MYD88: variants seen among roughly 807,000 people sequenced by gnomAD.
The protein encoded by MYD88 is myeloid differentiation primary response protein MyD88.
A neutral mutation model predicts 31.1 loss-of-function variants in MYD88; 15 were observed. The observed-to-expected ratio is 0.48, with a 90% CI of 0.32 to 0.74. The LOEUF (loss-of-function observed/expected upper bound fraction) is 0.74, where lower values mean the gene tolerates loss of function less well. Ranked by LOEUF, MYD88 falls within the 30% of genes least tolerant of loss-of-function variation. The pLI, the probability that MYD88 is intolerant of heterozygous loss-of-function variation, is 0.03. For missense variants in MYD88, 308 were observed against 387.4 expected, an observed-to-expected ratio of 0.79 and a Z score of 1.72; for synonymous variants, 157 against 158.8, an observed-to-expected ratio of 0.99 and a Z score of 0.08.
rs761382748 is a variant in MYD88, at chr3:38,142,213, G to A, written c.*927G>A. 11 of 233,024 alleles carry A rather than the reference G, an allele frequency of 4.7e-5. No individual in the cohort carries two copies. The highest frequency in any genetic ancestry group is 1.1e-4 in the African/African-American group (5 of 45,310). The allele number at this position is 233,024 out of a possible 1,614,324, so 14.4% of individuals were successfully genotyped here. ...CTTTGTACCTTGATTGCCTTACAAA[G>A]TTATTTGTTTACAAACAGCGACCAT... On this transcript the variant is annotated 3_prime_UTR_variant, in exon 5 of 5. Transcript: ENST00000650905.
At position 38,138,852 on chromosome 3, in the gene MYD88, C is replaced by G; in HGVS notation, c.152C>G (p.Ala51Gly). 6.2e-7 allele frequency: 1 copy of G among 1,613,798 alleles called. No individual in the cohort carries two copies. The change falls in exon 1 of 5, where the codon GCG becomes GGG. Residue 51 changes from alanine (A) to glycine (G), a missense_variant. Ala to Gly is a moderately conservative substitution (Grantham distance 60). Transcript: ENST00000650905. This position sits in a 1 kb window ranked among gnomAD's most constrained non-coding sequence, Gnocchi z 6.4. ...TQVAADWTAL[A>G]EEMDFEYLEI... ...GTGGCGGCCGACTGGACCGCGCTGGCGGAGGAGATGGACTTTGAGTACTTG... is the reference window on the plus strand; with the variant it reads ...GTGGCGGCCGACTGGACCGCGCTGGGGGAGGAGATGGACTTTGAGTACTTG...
rs1029287594 is a variant in MYD88 at position 38,142,787 on chromosome 3, G to T, written c.*1501G>T. 1 of 233,120 alleles carries T rather than the reference G, an allele frequency of 4.3e-6. No individual in the cohort carries two copies. Among genetic ancestry groups the T allele is most frequent in the African/African-American group, 2.2e-5 (1 of 45,330 alleles). The allele number at this position is 233,120 out of a possible 1,614,324, so 14.4% of individuals were successfully genotyped here. The stretch of plus-strand genomic sequence containing the variant: ...GTACCTTTTCTTAGGATCTTGGGAG[G>T]GAATGGATGCCCCTCTCTGCATGAT... On this transcript the variant is annotated 3_prime_UTR_variant, in exon 5 of 5. Transcript: ENST00000650905.
Position 38,139,274 on chromosome 3 carries a change from T to C in MYD88, c.328+246T>C. On this transcript the variant is annotated intron_variant, in intron 1 of 4. Coordinates refer to ENST00000650905, the MANE Select transcript of MYD88 (RefSeq NM_002468.5). This position sits in a 1 kb window ranked among gnomAD's most constrained non-coding sequence, Gnocchi z 4.7. ...AGCAGCTTAGGCAGAGGCTTTCAGG[T>C]AGGGCCAGGAGTCAGAATCAGGCTT... 1 of 589,598 alleles carries C rather than the reference T, an allele frequency of 1.7e-6. No individual in the cohort carries two copies. The highest frequency in any genetic ancestry group is 3.0e-6 in the Non-Finnish European group (1 of 337,292). 36.5% of individuals were successfully genotyped at this position (589,598 alleles called of 1,614,324 possible). A position where few individuals can be genotyped will look rare whatever the true frequency, so the allele number is the denominator to read the frequency against.
intron 2 of MYD88, 49 bp from the exon 3 acceptor site, chr3:38,140,339 C>T: frequency 1.2e-6 from 2 of 1,605,420 alleles, no homozygotes. Flanking sequence ...GGATCCCTCC[C>T]AAGCCTTCCC....
At position 38,140,006 on chromosome 3, in the gene MYD88, T is replaced by G. The variant is rs776209293; in HGVS notation, c.463+8T>G. ...CACTTGATGACCCCCTGGGTAAGGGTCCAATACTGTTCCCATGGGACAGGT... is the reference window on the plus strand; with the variant it reads ...CACTTGATGACCCCCTGGGTAAGGGGCCAATACTGTTCCCATGGGACAGGT... On this transcript the variant is annotated splice_region_variant and intron_variant, in intron 2 of 4. Transcript: ENST00000650905. 1.6e-5 allele frequency: 25 copies of G among 1,612,716 alleles called. No homozygotes were observed. In the African/African-American group the frequency reaches 2.5e-4, roughly 16 times the overall value.
In MYD88 at chr3:38,139,225, C is replaced by G. The variant is rs1372025627; in HGVS notation, c.328+197C>G. On this transcript the variant is annotated intron_variant, in intron 1 of 4. Transcript: ENST00000650905. The surrounding 1 kb of genome is among the most constrained non-coding windows in gnomAD (Gnocchi z 4.7). ...TTATTAAGAAGGACTGGAGAAAGGT[C>G]CGGATAGGCGGAGATGGGAAGGAAG... is the stretch of plus-strand genomic sequence containing the variant. 7 of 743,680 alleles carry G rather than the reference C, an allele frequency of 9.4e-6. No homozygotes were observed. Among genetic ancestry groups the G allele is most frequent in the Admixed American group, 3.0e-5 (1 of 33,856 alleles). The allele number at this position is 743,680 out of a possible 1,614,324, so 46.1% of individuals were successfully genotyped here. A position where few individuals can be genotyped will look rare whatever the true frequency, so the allele number is the denominator to read the frequency against.
In MYD88 at chr3:38,141,980, C is replaced by G. The variant is rs1701092048; in HGVS notation, c.*694C>G. On this transcript the variant is annotated 3_prime_UTR_variant, in exon 5 of 5. Transcript: ENST00000650905. ...TGCCCAACCTTCAGCAGTGACAAGT[C>G]CCCAAGAGACTCGCCTGAGCAGCTT... 1 of 238,138 alleles carries G rather than the reference C, an allele frequency of 4.2e-6. No individual in the cohort carries two copies. The highest frequency in any genetic ancestry group is 8.3e-6 in the Non-Finnish European group (1 of 120,844). The allele number at this position is 238,138 out of a possible 1,614,324, so 14.8% of individuals were successfully genotyped here.
intron 3 of MYD88, 84 bp downstream of exon 3, chr3:38,140,652 G>A: frequency 1.2e-6 from 2 of 1,604,594 alleles, no homozygotes; most frequent in Non-Finnish European, 1.7e-6. Context: ...CCTCCTAGCT[G>A]TGCACTGTCC....
rs1701092778 is a variant in MYD88, at chr3:38,142,011, GC to G, written c.*726del. On this transcript the variant is annotated 3_prime_UTR_variant, in exon 5 of 5. Transcript: ENST00000650905. ...GAGACTCGCCTGAGCAGCTTGGGCT[GC>G]TTTTCATTTCCACCTGTCAGGATGC... The G allele has an allele frequency of 4.2e-6, 1 of 235,886 alleles. No homozygotes were observed. Among genetic ancestry groups the G allele is most frequent in the African/African-American group, 2.2e-5 (1 of 45,348 alleles). 14.6% of individuals were successfully genotyped at this position (235,886 alleles called of 1,614,324 possible). A position where few individuals can be genotyped will look rare whatever the true frequency, so the allele number is the denominator to read the frequency against.
chr3:38,139,750 G>A lies in MYD88; in HGVS notation c.329-114G>A, dbSNP rs1701028074. ...CTTCGCGTGGCACCAGTGAACTGGG[G>A]AAGCCCTCTAGAACAACCCAGCCAG... On this transcript the variant is annotated intron_variant, in intron 1 of 4. Transcript: ENST00000650905. This position sits in a 1 kb window ranked among gnomAD's most constrained non-coding sequence, Gnocchi z 4.7. 1 of 1,401,682 alleles carries A rather than the reference G, an allele frequency of 7.1e-7. No homozygotes were observed. The highest frequency in any genetic ancestry group is 9.9e-7 in the Non-Finnish European group (1 of 1,010,718). The allele number at this position is 1,401,682 out of a possible 1,614,324, so 86.8% of individuals were successfully genotyped here. A position where few individuals can be genotyped will look rare whatever the true frequency, so the allele number is the denominator to read the frequency against.
chr3:38,142,673 A>C lies in MYD88; in HGVS notation c.*1387A>C, dbSNP rs1701108184. ...TCTGGGGAGAAGGTGCCATGGTCTT[A>C]GGTGTCTGTGCCCCAGGACAGACCC... is the stretch of plus-strand genomic sequence containing the variant. On this transcript the variant is annotated 3_prime_UTR_variant, in exon 5 of 5. Transcript: ENST00000650905. The C allele has an allele frequency of 4.3e-6, 1 of 233,200 alleles. No individual in the cohort carries two copies. The highest frequency in any genetic ancestry group is 8.5e-6 in the Non-Finnish European group (1 of 118,092). 14.4% of individuals were successfully genotyped at this position (233,200 alleles called of 1,614,324 possible). A position where few individuals can be genotyped will look rare whatever the true frequency, so the allele number is the denominator to read the frequency against.
chr3:38,141,524 CA>C lies in MYD88; in HGVS notation c.*239del. On this transcript the variant is annotated 3_prime_UTR_variant, in exon 5 of 5. Transcript: ENST00000650905. ...GATTATCAGCCAGGACACTATAGAACAGGACCAGCTGAGACTAAGAAGGACC... is the reference window on the plus strand; with the variant it reads ...GATTATCAGCCAGGACACTATAGAACGGACCAGCTGAGACTAAGAAGGACC... 1.6e-6 allele frequency: 1 copy of C among 612,582 alleles called. No homozygotes were observed. Among genetic ancestry groups the C allele is most frequent in the South Asian group, 1.8e-5 (1 of 55,406 alleles). 37.9% of individuals were successfully genotyped at this position (612,582 alleles called of 1,614,324 possible).
chr3:38,139,126 TGCCTCGGGG>T lies in MYD88; in HGVS notation c.328+102_328+110del, dbSNP rs1701012142. On this transcript the variant is annotated intron_variant, in intron 1 of 4. Coordinates refer to ENST00000650905, the MANE Select transcript of MYD88 (RefSeq NM_002468.5). The surrounding 1 kb of genome is among the most constrained non-coding windows in gnomAD (Gnocchi z 4.7). Reference sequence around the variant, plus strand: ...TCTCCCATGGAGAGACCCCATTTCCTGCCTCGGGGGCCCGAAGAAGCCTGCAGAGGGAGA... The same window carrying T: ...TCTCCCATGGAGAGACCCCATTTCCTGCCCGAAGAAGCCTGCAGAGGGAGA... 6.9e-7 allele frequency: 1 copy of T among 1,442,778 alleles called. No homozygotes were observed. Among genetic ancestry groups the T allele is most frequent in the South Asian group, 1.4e-5 (1 of 71,862 alleles). The allele number at this position is 1,442,778 out of a possible 1,614,324, so 89.4% of individuals were successfully genotyped here. A position where few individuals can be genotyped will look rare whatever the true frequency, so the allele number is the denominator to read the frequency against.
intron 2 of MYD88, 45 bp from the exon 3 acceptor site, chr3:38,140,343 C>T (rs375668830): frequency 6.2e-7 from 1 of 1,607,028 alleles, no homozygotes; most frequent in South Asian, 1.1e-5. Flanking sequence ...CCCTCCCAAG[C>T]CTTCCCATGG....
rs1700990709 is a variant in MYD88, at chr3:38,138,775, C to T, written c.75C>T (p.Leu25=). The change falls in exon 1 of 5, where the codon CTC becomes CTT. Residue 25 remains leucine, a synonymous_variant. Transcript: ENST00000650905. This position sits in a 1 kb window ranked among gnomAD's most constrained non-coding sequence, Gnocchi z 6.4. The part of the protein sequence containing the change: ...SSTSSLPLAA[L]NMRVRRRLSL... ...CATCCTCCCTTCCCCTGGCTGCTCT[C>T]AACATGCGAGTGCGGCGCCGCCTGT... The T allele has an allele frequency of 1.2e-6, 2 of 1,613,160 alleles. No homozygotes were observed. Among genetic ancestry groups the T allele is most frequent in the Non-Finnish European group, 1.7e-6 (2 of 1,179,980 alleles).
intron 4 of MYD88, 21 bp downstream of exon 4, chr3:38,140,869 G>A (rs2125779851): frequency 6.2e-7 from 1 of 1,607,164 alleles, no homozygotes; most frequent in South Asian, 1.1e-5. Context: ...CCCTGCTCTG[G>A]CAAGAGAATG....
chr3:38,139,352 T>G lies in MYD88; in HGVS notation c.328+324T>G. The G allele has an allele frequency of 4.2e-6, 2 of 476,326 alleles. No homozygotes were observed. Among genetic ancestry groups the G allele is most frequent in the East Asian group, 7.4e-5 (2 of 26,868 alleles). 29.5% of individuals were successfully genotyped at this position (476,326 alleles called of 1,614,324 possible). A position where few individuals can be genotyped will look rare whatever the true frequency, so the allele number is the denominator to read the frequency against. The stretch of plus-strand genomic sequence containing the variant: ...TAGAGCAACAGGACAGGTGGGGCGA[T>G]TGACAGTGGACTGTCTTAGAAACCT... On this transcript the variant is annotated intron_variant, in intron 1 of 4. Transcript: ENST00000650905. The surrounding 1 kb of genome is among the most constrained non-coding windows in gnomAD (Gnocchi z 4.7).
rs587778545 is a variant in MYD88, at chr3:38,138,738, C to G, written c.38C>G (p.Pro13Arg). The part of the protein sequence containing the change: ...AGGPGAGSAA[P>R]VSSTSSLPLA... ...GGTCCCGGCGCGGGGTCTGCGGCCC[C>G]GGTCTCCTCCACATCCTCCCTTCCC... is the stretch of plus-strand genomic sequence containing the variant. The change falls in exon 1 of 5, where the codon CCG becomes CGG. Residue 13 changes from proline to arginine, a missense_variant. Pro to Arg is a moderately radical substitution (Grantham distance 103, BLOSUM62 -2). Transcript: ENST00000650905. This position sits in a 1 kb window ranked among gnomAD's most constrained non-coding sequence, Gnocchi z 6.4. 14 of 1,608,896 alleles carry G rather than the reference C, an allele frequency of 8.7e-6. No individual in the cohort carries two copies. Among genetic ancestry groups the G allele is most frequent in the Non-Finnish European group, 1.1e-5 (13 of 1,177,220 alleles).
At chr3:38,141,110 C>T (rs1179643935) in intron 4 of MYD88, 22 bp from the exon 5 acceptor site, 1 of 1,614,070 alleles carries the variant, frequency 6.2e-7, no homozygotes, top group Non-Finnish European at 8.5e-7. Context: ...CTGATGCCAG[C>T]ATGGCACCCC....
Sources: allele counts gnomAD v4.1 joint callset, GRCh38; gene constraint gnomAD v4.1.1; non-coding constraint Gnocchi (gnomAD v3.1); transcripts MANE v1.5; gene names NCBI Gene and HGNC (gene_info 2026-07-23, HGNC 2026-07-21).